The following SMCHD1 variants were observed in gnomAD, a reference collection of about 807,000 sequenced individuals.
SMCHD1 encodes structural maintenance of chromosomes flexible hinge domain containing 1, also known as structural maintenance of chromosomes flexible hinge domain-containing protein 1.
SMCHD1 carries 78 observed loss-of-function variants against 254.7 expected under a neutral mutation model. The observed-to-expected ratio is 0.31, with a 90% CI of 0.26 to 0.37. The LOEUF (loss-of-function observed/expected upper bound fraction) is 0.37, where lower values mean the gene tolerates loss of function less well. Among genes scored for constraint, SMCHD1 ranks in the 10% least tolerant of loss-of-function variants. The probability of loss-of-function intolerance (pLI) is 1.00; values close to 1 mark genes in which losing one functional copy is unlikely to be tolerated. For synonymous variants in SMCHD1, 766 were observed against 794.9 expected, an observed-to-expected ratio of 0.96 and a Z score of 0.61; for missense variants, 1,840 against 2,408.1, an observed-to-expected ratio of 0.76 and a Z score of 4.94.
At chr18:2,749,385 A>G (rs2075528669) in intron 30 of SMCHD1, among the ~76,000 whole-genome samples, 1 of 152,114 alleles carries the variant, frequency 6.6e-6, no homozygotes, top group African/African-American at 2.4e-5. Context: ...GTTATTCTGA[A>G]TGTTTGCTTC....
chr18:2,694,690 T>A lies in SMCHD1; in HGVS notation c.1037T>A (p.Leu346Ter). ...KNYFHLWTRQ[L>*]AHIYHYYIHG... ...TATTTCCACCTTTGGACACGACAGTTAGCGTAAGTAATTATATTTGGCTTA... is the reference window on the plus strand; with the variant it reads ...TATTTCCACCTTTGGACACGACAGTAAGCGTAAGTAATTATATTTGGCTTA... The change falls in exon 8 of 48, where the codon TTA becomes TAA. Residue 346 changes from leucine to a stop codon, truncating the protein, a stop_gained. Coordinates refer to ENST00000320876, the MANE Select transcript of SMCHD1 (RefSeq NM_015295.3). LOFTEE classifies it high-confidence loss of function. The A allele has an allele frequency of 6.2e-7, 1 of 1,609,472 alleles. No individual in the cohort carries two copies. The highest frequency in any genetic ancestry group is 8.5e-7 in the Non-Finnish European group (1 of 1,178,592).
At position 2,700,567 on chromosome 18, in the gene SMCHD1, T is replaced by C; in HGVS notation, c.1371T>C (p.Asp457=). The change falls in exon 11 of 48, where the codon GAT becomes GAC. Residue 457 remains aspartate, a synonymous_variant. Transcript: ENST00000320876. ...TAAAAGATGAAGATGATGAAGATGA[T>C]TGTTTCATACTTGAGAAAGCAGCTA... The part of the protein sequence containing the change: ...SKLKDEDDED[D]CFILEKAARG... 6.2e-7 allele frequency: 1 copy of C among 1,611,684 alleles called. No individual in the cohort carries two copies. Among genetic ancestry groups the C allele is most frequent in the Non-Finnish European group, 8.5e-7 (1 of 1,178,800 alleles).
At chr18:2,796,728 G>C (rs1284304457) in intron 47 of SMCHD1, 2 of 508,024 alleles carry the variant, frequency 3.9e-6, no homozygotes, top group Non-Finnish European at 6.9e-6. Flanking sequence ...TTACAGGCAT[G>C]CACCACCATG....
intron 5 of SMCHD1, among the ~76,000 whole-genome samples, chr18:2,687,061 T>G (rs1322576119): frequency 6.6e-6 from 1 of 152,154 alleles, no homozygotes; most frequent in Non-Finnish European, 1.5e-5. Flanking sequence ...TTTCAGGATT[T>G]AAAATATTTT....
rs764920870 is a variant in SMCHD1 at position 2,763,716 on chromosome 18, C to G, written c.4646C>G (p.Thr1549Ser). ...ATIKGSNEED[T>S]DTPLFIGKVR... ...ATTAAAGGCTCTAATGAGGAAGATA[C>G]TGATACCCCACTTTTTATTGGGAAA... Residue 1549 changes from threonine to serine, a missense_variant, in exon 37 of 48, where the codon ACT becomes AGT. Around this residue, in one of 9 missense-constraint regions of SMCHD1, gnomAD observed 881 missense variants for 1,009.5 expected, o/e 0.87. Transcript: ENST00000320876. The G allele has an allele frequency of 1.2e-6, 2 of 1,609,888 alleles. No individual in the cohort carries two copies.
intron 17 of SMCHD1, among the ~76,000 whole-genome samples, chr18:2,710,056 C>G (rs1271154197): frequency 6.6e-6 from 1 of 152,186 alleles, no homozygotes; most frequent in Admixed American, 6.5e-5. Flanking sequence ...TTTGATCCAT[C>G]TGACCTTGAC....
intron 5 of SMCHD1, among the ~76,000 whole-genome samples, chr18:2,681,926 A>G (rs1014669885): frequency 4.6e-5 from 7 of 152,238 alleles, no homozygotes; most frequent in African/African-American, 1.7e-4. Flanking sequence ...TGGATCCCCA[A>G]CAAGATTTTT....
At chr18:2,743,585 C>T (rs2075391853) in intron 28 of SMCHD1, among the ~76,000 whole-genome samples, 176 bp from the exon 29 acceptor site, 1 of 152,134 alleles carries the variant, frequency 6.6e-6, no homozygotes, top group Admixed American at 6.6e-5. Context: ...TCAGTTTCTC[C>T]TCTCTTGAAA....
chr18:2,708,880 ATATATATATATATATATATATATAT>A (rs2074586813), intron 17 of SMCHD1, among the ~76,000 whole-genome samples: 1 of 60,904 alleles, frequency 1.6e-5, no homozygotes, highest in South Asian at 7.2e-4. Flanking sequence ...ATATATATAT[ATATATATATATATATATATATATAT>A]ATAACATATT....
intron 12 of SMCHD1, among the ~76,000 whole-genome samples, chr18:2,703,386 C>A (rs926670249): frequency 2.6e-5 from 4 of 152,112 alleles, no homozygotes; most frequent in Non-Finnish European, 5.9e-5. Flanking sequence ...TCCTCCCAGG[C>A]AGTAAGGGTT....
rs534969845 is a variant in SMCHD1 at position 2,712,170 on chromosome 18, T to C, written c.2260+4250T>C. On this transcript the variant is annotated intron_variant, in intron 17 of 47. Coordinates refer to ENST00000320876, the MANE Select transcript of SMCHD1 (RefSeq NM_015295.3). Reference sequence around the variant, plus strand: ...TTGTGCTGAATTTGGCTTGCTAGCATATTGTTGAGAATTTTTGCATCAATA... The same window carrying C: ...TTGTGCTGAATTTGGCTTGCTAGCACATTGTTGAGAATTTTTGCATCAATA... Among the ~76,000 whole-genome samples the C allele has an allele frequency of 6.6e-5, 10 of 152,286 alleles. No homozygotes were observed. The East Asian group carries it at 1.9e-3, about 29-fold the overall frequency.
chr18:2,792,525 G>T (rs1555657808), intron 45 of SMCHD1, among the ~76,000 whole-genome samples: 1 of 152,180 alleles, frequency 6.6e-6, no homozygotes, highest in Non-Finnish European at 1.5e-5. Flanking sequence ...TCCACTGGGG[G>T]TTTCAGACAT....
chr18:2,724,858 A>T, intron 20 of SMCHD1, 41 bp from the exon 21 acceptor site: 2 of 1,137,602 alleles, frequency 1.8e-6, no homozygotes, highest in Non-Finnish European at 2.5e-6. Flanking sequence ...GCTTACTTGT[A>T]GGCAATTGAG....
rs967073554 is a variant in SMCHD1, at chr18:2,725,075, G to C, written c.2700+80G>C. On this transcript the variant is annotated intron_variant, in intron 21 of 47. Transcript: ENST00000320876. ...GTAAGAATGAAATTGTAAATGAAAA[G>C]TGGAATGACCTATTTTTAAAAAACA... 35 of 867,586 alleles carry C rather than the reference G, an allele frequency of 4.0e-5. No individual in the cohort carries two copies. In the East Asian group the frequency reaches 8.6e-4, roughly 21 times the overall value. The allele number at this position is 867,586 out of a possible 1,614,324, so 53.7% of individuals were successfully genotyped here.
At chr18:2,705,670 T>A (rs1356005558) in intron 13 of SMCHD1, 24 bp from the exon 14 acceptor site, 1 of 1,198,480 alleles carries the variant, frequency 8.3e-7, no homozygotes, top group Non-Finnish European at 1.2e-6. Context: ...GAAGCTTTTT[T>A]TTTTTTTAAA....
intron 27 of SMCHD1, 23 bp from the exon 28 acceptor site, chr18:2,740,680 A>C: frequency 7.5e-7 from 1 of 1,338,210 alleles, no homozygotes; most frequent in Non-Finnish European, 1.1e-6. Flanking sequence ...ATAATACTAA[A>C]ATAAAACTTC....
intron 25 of SMCHD1, among the ~76,000 whole-genome samples, chr18:2,733,177 C>T (rs547430886): frequency 6.6e-6 from 1 of 152,248 alleles, no homozygotes; most frequent in African/African-American, 2.4e-5. Context: ...TTTCAAAGTT[C>T]AGTTTGTTCT....
At chr18:2,671,595 C>CTTT (rs760647745) in intron 3 of SMCHD1, among the ~76,000 whole-genome samples, 15 of 119,592 alleles carry the variant, frequency 1.3e-4, no homozygotes, top group Non-Finnish European at 1.9e-4. Context: ...CTTTTCTTTT[C>CTTT]TTTTTTTTTT....
At chr18:2,712,393 C>T in intron 17 of SMCHD1, among the ~76,000 whole-genome samples, 1 of 152,152 alleles carries the variant, frequency 6.6e-6, no homozygotes, top group Non-Finnish European at 1.5e-5. Context: ...ACCAATCTAT[C>T]ACCAAGTATC....
Sources: gnomAD v4.1 joint callset for allele counts (sites outside exome capture counted in the v4.1 genomes callset) on GRCh38, gnomAD v4.1.1 for gene constraint, gnomAD v4.1.1 regional missense constraint, MANE v1.5 for transcripts, NCBI Gene and HGNC (gene_info 2026-07-23, HGNC 2026-07-21) for gene names.